The following DNAAF6 variants were observed in gnomAD, a reference collection of about 807,000 sequenced individuals.
DNAAF6 encodes dynein axonemal assembly factor 6.
A neutral mutation model predicts 13.7 loss-of-function variants in DNAAF6; 3 were observed. That is an observed-to-expected ratio of 0.22 (90% CI 0.10 to 0.56). The LOEUF (loss-of-function observed/expected upper bound fraction) is 0.56, where lower values mean the gene tolerates loss of function less well. DNAAF6 is among the 20% of genes least tolerant of loss of function. The probability of loss-of-function intolerance (pLI) is 0.92; values close to 1 mark genes in which losing one functional copy is unlikely to be tolerated. For missense variants in DNAAF6, 130 were observed against 151.0 expected, an observed-to-expected ratio of 0.86 and a Z score of 0.73; for synonymous variants, 54 against 49.2, an observed-to-expected ratio of 1.10 and a Z score of -0.41.
At chrX:107,234,105 G>GTTGAGCTTACTT (rs11271204) in intron 5 of DNAAF6, among the ~76,000 whole-genome samples, 6 of 110,323 alleles carry the variant, frequency 5.4e-5, no homozygotes, top group African/African-American at 2.0e-4. Context: ...TGCAGAGTGA[G>GTTGAGCTTACTT]TTGACTCCTG....
intron 2 of DNAAF6, among the ~76,000 whole-genome samples, chrX:107,216,274 C>T (rs1010410556): frequency 9.0e-6 from 1 of 111,730 alleles, no homozygotes; most frequent in Non-Finnish European, 1.9e-5. Context: ...TTCACATACT[C>T]TGTCCTCCAT....
intron 1 of DNAAF6, among the ~76,000 whole-genome samples, chrX:107,208,377 G>A (rs1367899185): frequency 9.2e-6 from 1 of 109,094 alleles, no homozygotes; most frequent in Admixed American, 9.7e-5. Flanking sequence ...AGGCTGCAGT[G>A]AGCCGAGATC....
intron 4 of DNAAF6, 40 bp from the exon 5 acceptor site, chrX:107,222,705 T>C (rs942558807): frequency 2.6e-6 from 3 of 1,172,018 alleles, no homozygotes; most frequent in African/African-American, 1.8e-5. Flanking sequence ...AGGAAATTGC[T>C]CTTTCATCTG....
At chrX:107,217,208 C>T (rs1360402502) in intron 3 of DNAAF6, among the ~76,000 whole-genome samples, 1 of 111,407 alleles carries the variant, frequency 9.0e-6, no homozygotes, top group African/African-American at 3.3e-5. Context: ...ATCCACATTC[C>T]TTGCATATTT....
intron 4 of DNAAF6, among the ~76,000 whole-genome samples, chrX:107,221,724 T>A (rs1290351057): frequency 9.0e-6 from 1 of 111,104 alleles, no homozygotes; most frequent in African/African-American, 3.3e-5. Context: ...AATTGGTAGA[T>A]GTTATAGCCT....
At chrX:107,230,625 G>A (rs956790593) in intron 5 of DNAAF6, among the ~76,000 whole-genome samples, 3 of 112,209 alleles carry the variant, frequency 2.7e-5, no homozygotes, top group Admixed American at 9.4e-5. Context: ...AGCAGTTGCA[G>A]TGAGCAGAGA....
At chrX:107,237,782 T>G (rs941058997) in intron 5 of DNAAF6, among the ~76,000 whole-genome samples, 8 of 111,913 alleles carry the variant, frequency 7.1e-5, no homozygotes, top group Non-Finnish European at 1.1e-4. Context: ...AGGAGATCGA[T>G]ACCATCCTGG....
At chrX:107,217,363 T>C (rs1332393363) in intron 3 of DNAAF6, among the ~76,000 whole-genome samples, 1 of 111,898 alleles carries the variant, frequency 8.9e-6, no homozygotes, top group African/African-American at 3.2e-5. Flanking sequence ...AATTGTTTAA[T>C]AAATATTTAT....
At chrX:107,212,820 C>T (rs775679478) in intron 1 of DNAAF6, 53 bp from the exon 2 acceptor site, 3 of 1,091,427 alleles carry the variant, frequency 2.7e-6, no homozygotes, top group Non-Finnish European at 3.6e-6. Context: ...ATCTTCATGT[C>T]TTAAATAAAA....
intron 4 of DNAAF6, among the ~76,000 whole-genome samples, chrX:107,221,478 C>A (rs1569373212): frequency 9.0e-6 from 1 of 111,287 alleles, no homozygotes; most frequent in Non-Finnish European, 1.9e-5. Context: ...AAGCAATCTT[C>A]CTGCCTCAGC....
chrX:107,209,481 T>A (rs1927801926), intron 1 of DNAAF6, among the ~76,000 whole-genome samples: 1 of 111,707 alleles, frequency 9.0e-6, no homozygotes, highest in Non-Finnish European at 1.9e-5. Context: ...TCACCCAGGC[T>A]GGAGTGCAGT....
intron 5 of DNAAF6, among the ~76,000 whole-genome samples, chrX:107,224,314 T>C (rs1928209904): frequency 8.9e-6 from 1 of 111,790 alleles, no homozygotes; most frequent in African/African-American, 3.2e-5. Context: ...CAGCAGCAAA[T>C]AACACATTTG....
chrX:107,210,939 T>C (rs1006863010), intron 1 of DNAAF6, among the ~76,000 whole-genome samples: 1 of 111,496 alleles, frequency 9.0e-6, no homozygotes, highest in Non-Finnish European at 1.9e-5. Context: ...AGACTCAGGA[T>C]GAACTTAAAT....
intron 5 of DNAAF6, 113 bp from the exon 6 acceptor site, chrX:107,238,809 C>A: frequency 9.1e-7 from 1 of 1,093,174 alleles, no homozygotes; most frequent in Non-Finnish European, 1.2e-6. Flanking sequence ...TAGGGCATAG[C>A]CTGGCACATA....
chrX:107,243,490 C>A lies in DNAAF6; in HGVS notation c.*192C>A. On this transcript the variant is annotated 3_prime_UTR_variant, in exon 7 of 7. Coordinates refer to ENST00000372453, the MANE Select transcript of DNAAF6 (RefSeq NM_173494.2). ...TCTGTTAGGAAATATGTTTCCTTGG[C>A]CAGGTGCAATGGCTCATGCCTGTAA... The A allele has an allele frequency of 3.8e-6, 2 of 528,740 alleles. No homozygotes were observed. Among genetic ancestry groups the A allele is most frequent in the Non-Finnish European group, 5.4e-6 (2 of 372,811 alleles). The allele number at this position is 528,740 out of a possible 1,213,427, so 43.6% of individuals were successfully genotyped here. A position where few individuals can be genotyped will look rare whatever the true frequency, so the allele number is the denominator to read the frequency against.
At chrX:107,210,785 A>G (rs1457369694) in intron 1 of DNAAF6, among the ~76,000 whole-genome samples, 2 of 111,471 alleles carry the variant, frequency 1.8e-5, no homozygotes. Context: ...GGCAAAAGGA[A>G]GAATGCACTC....
At position 107,243,565 on chromosome X, in the gene DNAAF6, T is replaced by A; in HGVS notation, c.*267T>A. 2 of 200,456 alleles carry A rather than the reference T, an allele frequency of 1.0e-5. No individual in the cohort carries two copies. Among genetic ancestry groups the A allele is most frequent in the Non-Finnish European group, 1.7e-5 (2 of 114,783 alleles). The allele number at this position is 200,456 out of a possible 1,213,427, so 16.5% of individuals were successfully genotyped here. ...CAGGCGGATCACTTGAGGTCAGGAG[T>A]TTGAGACCAGCCTGGTCAACATGGC... On this transcript the variant is annotated 3_prime_UTR_variant, in exon 7 of 7. Transcript: ENST00000372453.
intron 1 of DNAAF6, among the ~76,000 whole-genome samples, chrX:107,211,066 T>C (rs897800406): frequency 8.9e-6 from 1 of 112,180 alleles, no homozygotes; most frequent in Non-Finnish European, 1.9e-5. Context: ...CCTCCTGTTT[T>C]AGTTTTTCAG....
chrX:107,206,966 A>T (rs1338028550), intron 1 of DNAAF6, among the ~76,000 whole-genome samples: 1 of 111,818 alleles, frequency 8.9e-6, no homozygotes, highest in African/African-American at 3.3e-5. Flanking sequence ...GACTGTCAGA[A>T]GGCAAAAGTA....
Sources: gnomAD v4.1 joint callset for allele counts (sites outside exome capture counted in the v4.1 genomes callset) on GRCh38, gnomAD v4.1.1 for gene constraint, MANE v1.5 for transcripts, NCBI Gene and HGNC (gene_info 2026-07-23, HGNC 2026-07-21) for gene names.